The following SLC2A9 variants were observed in gnomAD, a reference collection of about 807,000 sequenced individuals.
SLC2A9 encodes the protein solute carrier family 2 member 9.
Under a neutral mutation model 50.6 loss-of-function variants are expected in SLC2A9, and 39 were observed. That is an observed-to-expected ratio of 0.77 (90% CI 0.60 to 1.01). The LOEUF is 1.01. SLC2A9 is among the 50% of genes least tolerant of loss of function. The pLI is 0.00. For missense variants in SLC2A9, 686 were observed against 677.6 expected, an observed-to-expected ratio of 1.01 and a Z score of -0.14; for synonymous variants, 324 against 276.9, an observed-to-expected ratio of 1.17 and a Z score of -1.69.
At chr4:9,861,553 T>C (rs1252820519) in intron 10 of SLC2A9, among the ~76,000 whole-genome samples, 1 of 152,162 alleles carries the variant, frequency 6.6e-6, no homozygotes, top group African/African-American at 2.4e-5. Flanking sequence ...CAACAGAATG[T>C]CCATTCCTTG....
intron 2 of SLC2A9, among the ~76,000 whole-genome samples, chr4:10,008,261 C>T (rs767214394): frequency 6.6e-6 from 1 of 152,216 alleles, no homozygotes; most frequent in Admixed American, 6.5e-5. Context: ...GGCTGTCCAG[C>T]TCTAATCGCT....
chr4:10,019,207 G>T, intron 1 of SLC2A9, 134 bp from the exon 2 acceptor site: 2 of 736,740 alleles, frequency 2.7e-6, no homozygotes, highest in South Asian at 3.2e-5. Context: ...GGTAGAGACA[G>T]AGAGAAGAGA....
intron 2 of SLC2A9, 61 bp from the exon 3 acceptor site, chr4:9,997,002 C>G: frequency 6.3e-7 from 1 of 1,592,272 alleles, no homozygotes; most frequent in Non-Finnish European, 8.6e-7. Context: ...TTGAAGCAAG[C>G]CAGTGTACAA....
chr4:9,871,529 T>C (rs1560217073), intron 10 of SLC2A9, among the ~76,000 whole-genome samples: 1 of 152,296 alleles, frequency 6.6e-6, no homozygotes. Context: ...AATCTCTGCC[T>C]CCACCTTCAT....
intron 1 of SLC2A9, among the ~76,000 whole-genome samples, chr4:10,037,452 C>G (rs1560513763): frequency 6.6e-6 from 1 of 152,166 alleles, no homozygotes; most frequent in Non-Finnish European, 1.5e-5. Context: ...ACACAGTGCT[C>G]TTTACATTTT....
intron 10 of SLC2A9, among the ~76,000 whole-genome samples, chr4:9,846,346 G>A (rs1728991884): frequency 6.6e-6 from 1 of 152,216 alleles, no homozygotes; most frequent in Admixed American, 6.5e-5. Flanking sequence ...CCCCTCACAG[G>A]ATGTATGCCA....
At chr4:9,942,127 G>A (rs1160372293) in intron 5 of SLC2A9, 82 bp from the exon 6 acceptor site, 17 of 1,560,160 alleles carry the variant, frequency 1.1e-5, no homozygotes, top group Admixed American at 3.4e-5. Flanking sequence ...AGGTGGTTTC[G>A]ACCCTGCAGA....
At chr4:10,023,559 C>T (rs1432194720), upstream of SLC2A9, among the ~76,000 whole-genome samples, 1 of 152,158 alleles carries the variant, frequency 6.6e-6, no homozygotes, top group Non-Finnish European at 1.5e-5. Flanking sequence ...CAAAAGGAAC[C>T]AGAAATTAGG....
Position 9,804,520 on chromosome 4 carries a change from T to C in SLC2A9, n.421-5279A>G, listed in dbSNP as rs537356888. Among the ~76,000 whole-genome samples the C allele has an allele frequency of 2.6e-5, 4 of 152,314 alleles. No individual in the cohort carries two copies. The East Asian group carries it at 7.7e-4, about 29-fold the overall frequency. Reference sequence around the variant, plus strand: ...GGGTAGGACCCTCTTTATAGGCCACTGATTTATTCCCATTTGCTGACTCAC... The same window carrying C: ...GGGTAGGACCCTCTTTATAGGCCACCGATTTATTCCCATTTGCTGACTCAC... On this transcript the variant is annotated intron_variant and non_coding_transcript_variant, in intron 3 of 3. Coordinates refer to the SLC2A9 transcript ENST00000503280.
intron 3 of SLC2A9, chr4:9,784,158 C>T (rs1335900548): frequency 3.2e-5 from 5 of 153,996 alleles, no homozygotes; most frequent in African/African-American, 7.2e-5. Context: ...TAAAGATACA[C>T]CAGGGCAAAG....
chr4:9,986,899 C>T (rs546832431), intron 3 of SLC2A9, among the ~76,000 whole-genome samples: 2 of 152,292 alleles, frequency 1.3e-5, no homozygotes, highest in South Asian at 2.1e-4. Context: ...AGCTAGGAGA[C>T]TTTGAACTTC....
At chr4:10,029,038 A>T (rs968168573) in intron 1 of SLC2A9, 7 of 152,294 alleles carry the variant, frequency 4.6e-5, no homozygotes, top group Non-Finnish European at 7.3e-5. Flanking sequence ...GCTTCAGCTC[A>T]ATCCCTTCCA....
chr4:9,827,121 G>A (rs6817564), intron 11 of SLC2A9, among the ~76,000 whole-genome samples: 23,062 of 152,108 alleles, frequency 0.15, 2,283 homozygotes, highest in African/African-American at 0.28. Context: ...AAATAAGAGA[G>A]ATCAGAAAAA....
At position 9,908,276 on chromosome 4, in the gene SLC2A9, A is replaced by G; in HGVS notation, c.1072T>C (p.Leu358=). 1.2e-6 allele frequency: 2 copies of G among 1,614,112 alleles called. No homozygotes were observed. Among genetic ancestry groups the G allele is most frequent in the East Asian group, 2.2e-5 (1 of 44,882 alleles). Reference sequence around the variant, plus strand: ...AAAGTCTCGATGCCCCCTGTACTCAAGGTGACGTATGGGATCTTTGCCGGA... The same window carrying G: ...AAAGTCTCGATGCCCCCTGTACTCAGGGTGACGTATGGGATCTTTGCCGGA... ...IPPAKIPYVT[L]STGGIETLAA... The change falls in exon 8 of 12, where the codon TTG becomes CTG. Residue 358 remains leucine, a synonymous_variant. Transcript: ENST00000264784.
chr4:9,998,483 C>T (rs1185759609), intron 2 of SLC2A9, among the ~76,000 whole-genome samples: 1 of 152,190 alleles, frequency 6.6e-6, no homozygotes, highest in African/African-American at 2.4e-5. Context: ...CACAATCCCA[C>T]ATAGACTAAA....
chr4:9,831,039 G>T (rs180911505), intron 11 of SLC2A9, among the ~76,000 whole-genome samples: 1 of 152,314 alleles, frequency 6.6e-6, no homozygotes, highest in African/African-American at 2.4e-5. Flanking sequence ...GGCGTGATTC[G>T]TGCCGTTGTC....
At chr4:9,815,466 G>T (rs559650188) in intron 3 of SLC2A9, among the ~76,000 whole-genome samples, 1 of 152,354 alleles carries the variant, frequency 6.6e-6, no homozygotes, top group African/African-American at 2.4e-5. Context: ...ACAGGGCAGA[G>T]GTAGGCAGAT....
At chr4:9,883,306 C>G (rs962951121) in intron 10 of SLC2A9, among the ~76,000 whole-genome samples, 2 of 152,184 alleles carry the variant, frequency 1.3e-5, no homozygotes, top group Non-Finnish European at 2.9e-5. Context: ...TGTGAATGTG[C>G]TATGGAAAGT....
intron 6 of SLC2A9, among the ~76,000 whole-genome samples, chr4:9,930,809 T>C (rs1283628218): frequency 6.6e-6 from 1 of 152,146 alleles, no homozygotes; most frequent in Non-Finnish European, 1.5e-5. Context: ...TGAACGTGTT[T>C]TTTGCACAGT....
Sources: allele counts gnomAD v4.1 joint callset (sites outside exome capture counted in the v4.1 genomes callset), GRCh38; gene constraint gnomAD v4.1.1; transcripts MANE v1.5; gene names NCBI Gene and HGNC (gene_info 2026-07-23, HGNC 2026-07-21).